CEP89: variants seen among roughly 807,000 people sequenced by gnomAD.
CEP89 encodes the protein centrosomal protein of 89 kDa.
Under a neutral mutation model 97.6 loss-of-function variants are expected in CEP89, and 95 were observed. The observed-to-expected ratio is 0.97, with a 90% confidence interval of 0.82 to 1.15. The LOEUF is 1.15. Among genes scored for constraint, CEP89 ranks in the 50% most tolerant of loss-of-function variants. The probability of loss-of-function intolerance (pLI) is 0.00; values close to 1 mark genes in which losing one functional copy is unlikely to be tolerated. For synonymous variants in CEP89, 354 were observed against 349.1 expected (o/e 1.01, Z -0.16); for missense variants, 869 against 947.7 (o/e 0.92, Z 1.09).
At chr19:32,957,476 G>C (rs1971072955) in intron 3 of CEP89, among the ~76,000 whole-genome samples, 1 of 152,002 alleles carries the variant, frequency 6.6e-6, no homozygotes, top group African/African-American at 2.4e-5. Context: ...AGTCCAGCCT[G>C]GGTAATATCA....
Position 32,887,732 on chromosome 19 carries a change from G to C in CEP89, c.1965+20C>G, listed in dbSNP as rs567219976. The C allele has an allele frequency of 7.3e-6, 11 of 1,510,040 alleles. No individual in the cohort carries two copies. The African/African-American group carries it at 1.4e-4, about 19-fold the overall frequency. 93.5% of individuals were successfully genotyped at this position (1,510,040 alleles called of 1,614,324 possible). On this transcript the variant is annotated intron_variant, in intron 17 of 18. Coordinates refer to ENST00000305768, the MANE Select transcript of CEP89 (RefSeq NM_032816.5). ...ATTCCCATCTGAAAATGAAATCTCT[G>C]AGGCCAAATAACCACTTACCTTGAC... is the stretch of plus-strand genomic sequence containing the variant.
chr19:32,956,345 C>T (rs1385098886), intron 3 of CEP89, among the ~76,000 whole-genome samples: 1 of 151,412 alleles, frequency 6.6e-6, no homozygotes, highest in Non-Finnish European at 1.5e-5. Flanking sequence ...TGAGCCACCG[C>T]ACCCGGCCTG....
intron 18 of CEP89, among the ~76,000 whole-genome samples, chr19:32,881,099 T>A (rs1350797957): frequency 6.6e-6 from 1 of 152,148 alleles, no homozygotes; most frequent in African/African-American, 2.4e-5. Flanking sequence ...TCTACACTGT[T>A]CCCCATGAGT....
intron 7 of CEP89, among the ~76,000 whole-genome samples, chr19:32,935,222 G>A (rs1190242918): frequency 6.6e-6 from 1 of 152,212 alleles, no homozygotes; most frequent in Non-Finnish European, 1.5e-5. Flanking sequence ...AGTTGCTGGA[G>A]GCAGCAGTCG....
At chr19:32,880,328 T>C (rs76375203) in intron 18 of CEP89, among the ~76,000 whole-genome samples, 37,626 of 151,746 alleles carry the variant, frequency 0.25, 5,529 homozygotes, top group Non-Finnish European at 0.35. Context: ...AGGCCAGTGA[T>C]GTGCCCACTT....
At chr19:32,959,380 A>C (rs1380488808) in intron 3 of CEP89, among the ~76,000 whole-genome samples, 2 of 152,134 alleles carry the variant, frequency 1.3e-5, no homozygotes, top group Admixed American at 6.6e-5. Context: ...TTTCTTCCTC[A>C]GGAGGAAACC....
At chr19:32,947,451 T>C (rs1420842619) in intron 5 of CEP89, among the ~76,000 whole-genome samples, 1 of 152,066 alleles carries the variant, frequency 6.6e-6, no homozygotes, top group African/African-American at 2.4e-5. Flanking sequence ...CCTTGTACTT[T>C]AAAAACAACC....
intron 16 of CEP89, among the ~76,000 whole-genome samples, chr19:32,892,016 A>C (rs1270261616): frequency 1.3e-5 from 2 of 151,148 alleles, no homozygotes; most frequent in African/African-American, 2.4e-5. Context: ...CAGATATAGG[A>C]AGCTCAGGTT....
intron 5 of CEP89, among the ~76,000 whole-genome samples, chr19:32,945,172 T>C (rs1970769749): frequency 6.6e-6 from 1 of 151,244 alleles, no homozygotes; most frequent in African/African-American, 2.4e-5. Context: ...TAATCCCAGC[T>C]ACTCAGGAGG....
Position 32,897,535 on chromosome 19 carries a change from T to C in CEP89, c.1875+2322A>G, listed in dbSNP as rs145877109. Among the ~76,000 whole-genome samples the C allele has an allele frequency of 2.8e-3, 431 of 152,314 alleles. 3 individuals carry two copies. The highest frequency in any genetic ancestry group is 9.7e-3 in the African/African-American group (402 of 41,578). On this transcript the variant is annotated intron_variant, in intron 16 of 18. Coordinates refer to ENST00000305768, the MANE Select transcript of CEP89 (RefSeq NM_032816.5). The stretch of plus-strand genomic sequence containing the variant: ...CATTGCTCAGTCTCCAGGGCTTAAC[T>C]TCCCCCTTTGCATAATACATTTAGA...
intron 18 of CEP89, among the ~76,000 whole-genome samples, chr19:32,881,481 G>T (rs772227914): frequency 2.0e-5 from 3 of 152,142 alleles, no homozygotes; most frequent in African/African-American, 7.2e-5. Context: ...AGTGAGCCGA[G>T]ATCGTGCCAC....
At position 32,878,962 on chromosome 19, in the gene CEP89, TAAAAAA is replaced by T. The variant is rs71336972; in HGVS notation, c.*194_*199del. The stretch of plus-strand genomic sequence containing the variant: ...GGGCAACAGAGTGAGACCCTAGCTC[TAAAAAA>T]AAAAAAAAATTAAAAAATAAAGCAA... On this transcript the variant is annotated 3_prime_UTR_variant, in exon 19 of 19. Transcript: ENST00000305768. The T allele has an allele frequency of 5.7e-5, 22 of 384,942 alleles. No individual in the cohort carries two copies. Among genetic ancestry groups the T allele is most frequent in the Non-Finnish European group, 1.0e-4 (22 of 217,302 alleles). 23.8% of individuals were successfully genotyped at this position (384,942 alleles called of 1,614,324 possible).
chr19:32,964,523 A>C (rs977462908), intron 2 of CEP89, among the ~76,000 whole-genome samples: 3 of 152,228 alleles, frequency 2.0e-5, no homozygotes, highest in African/African-American at 7.2e-5. Context: ...AATTAGAAAC[A>C]AACTAAATAT....
chr19:32,882,141 T>G (rs1371426202), intron 17 of CEP89, 128 bp from the exon 18 acceptor site: 1 of 761,414 alleles, frequency 1.3e-6, no homozygotes, highest in Admixed American at 2.9e-5. Flanking sequence ...CCCGGATAAG[T>G]TTGGTCTGGG....
In CEP89 at chr19:32,933,651, C is replaced by T. The variant is rs748431464; in HGVS notation, c.686G>A (p.Arg229His). 45 of 1,608,840 alleles carry T rather than the reference C, an allele frequency of 2.8e-5. No individual in the cohort carries two copies. Among genetic ancestry groups the T allele is most frequent in the South Asian group, 1.1e-4 (10 of 90,888 alleles). ...PPSPDITGRARQRYTEITREK... is the reference protein window; with the variant it reads ...PPSPDITGRAHQRYTEITREK... Reference sequence around the variant, plus strand: ...TCTGGTTATTTCTGTATATCTTTGACGTGCTCTACCAGTTATATCTGAAAG... The same window carrying T: ...TCTGGTTATTTCTGTATATCTTTGATGTGCTCTACCAGTTATATCTGAAAG... Residue 229 changes from arginine (R) to histidine (H), a missense_variant, in exon 8 of 19, where the codon CGT becomes CAT. Arg to His is a conservative substitution (Grantham distance 29, BLOSUM62 0). Coordinates refer to ENST00000305768, the MANE Select transcript of CEP89 (RefSeq NM_032816.5).
chr19:32,903,244 C>G (rs1488465102), intron 14 of CEP89, among the ~76,000 whole-genome samples: 1 of 152,072 alleles, frequency 6.6e-6, no homozygotes, highest in Non-Finnish European at 1.5e-5. Flanking sequence ...CAACAATTCT[C>G]TAGTGGCTTA....
Position 32,948,414 on chromosome 19 carries a change from C to T in CEP89, c.493-46G>A, listed in dbSNP as rs549141307. 6.0e-6 allele frequency: 7 copies of T among 1,171,534 alleles called. No individual in the cohort carries two copies. In the Admixed American group the frequency reaches 8.3e-5, roughly 14 times the overall value. The allele number at this position is 1,171,534 out of a possible 1,614,324, so 72.6% of individuals were successfully genotyped here. On this transcript the variant is annotated intron_variant, in intron 4 of 18. Transcript: ENST00000305768. ...AGGAGCAAAAAAGTGAGAAAGGTAA[C>T]CTTTATATACAGCATGTCCTCCTAA...
At chr19:32,900,365 C>A (rs1415839023) in intron 15 of CEP89, among the ~76,000 whole-genome samples, 1 of 151,544 alleles carries the variant, frequency 6.6e-6, no homozygotes, top group Non-Finnish European at 1.5e-5. Context: ...CATGCCTCAG[C>A]CTCCTGAGTA....
chr19:32,909,927 C>T (rs1312728906), intron 14 of CEP89, among the ~76,000 whole-genome samples: 3 of 151,960 alleles, frequency 2.0e-5, no homozygotes, highest in African/African-American at 7.3e-5. Flanking sequence ...AAAAGACCCC[C>T]ACACCTACAC....
Sources: gnomAD v4.1 joint callset for allele counts (sites outside exome capture counted in the v4.1 genomes callset) on GRCh38, gnomAD v4.1.1 for gene constraint, MANE v1.5 for transcripts, NCBI Gene and HGNC (gene_info 2026-07-23, HGNC 2026-07-21) for gene names.